The following CLCA1 variants were observed in gnomAD, a reference collection of about 807,000 sequenced individuals.
CLCA1 encodes calcium-activated chloride channel regulator 1.
In CLCA1, 59 loss-of-function variants were observed where a neutral mutation model predicts 85.6. That is an observed-to-expected ratio of 0.69 (90% CI 0.56 to 0.86). The LOEUF is 0.86. Among genes scored for constraint, CLCA1 ranks in the 40% least tolerant of loss-of-function variants. The pLI is 0.00. For synonymous variants in CLCA1, 396 were observed against 398.3 expected, an observed-to-expected ratio of 0.99 and a Z score of 0.07; for missense variants, 1,022 against 1,101.4, an observed-to-expected ratio of 0.93 and a Z score of 1.02.
intron 5 of CLCA1, among the ~76,000 whole-genome samples, chr1:86,482,661 C>A (rs1302266145): frequency 1.3e-5 from 2 of 152,212 alleles, no homozygotes; most frequent in East Asian, 1.9e-4. Flanking sequence ...TACAAGCACA[C>A]ACATTCTTAC....
At chr1:86,498,322 G>T (rs754488018) in intron 12 of CLCA1, among the ~76,000 whole-genome samples, 1 of 151,986 alleles carries the variant, frequency 6.6e-6, no homozygotes, top group Non-Finnish European at 1.5e-5. Flanking sequence ...ATTCCAAAAG[G>T]TTATTCCACT....
chr1:86,492,580 C>G (rs1648165316), intron 9 of CLCA1, among the ~76,000 whole-genome samples: 1 of 152,224 alleles, frequency 6.6e-6, no homozygotes, highest in African/African-American at 2.4e-5. Flanking sequence ...CCAGCCCACT[C>G]TGTCTTCTAA....
chr1:86,478,376 G>A (rs536975018), intron 4 of CLCA1, among the ~76,000 whole-genome samples: 1 of 151,336 alleles, frequency 6.6e-6, no homozygotes, highest in African/African-American at 2.4e-5. Context: ...GCAGTGAGCC[G>A]AGATCACACC....
At chr1:86,492,980 G>A (rs5744399) in intron 9 of CLCA1, among the ~76,000 whole-genome samples, 1,811 of 152,334 alleles carry the variant, frequency 0.012, 22 homozygotes, top group Non-Finnish European at 0.017. Context: ...ACTGGTAAAT[G>A]AGATGGACAG....
At chr1:86,498,881 G>GC in intron 13 of CLCA1, 70 bp downstream of exon 13, 1 of 1,539,384 alleles carries the variant, frequency 6.5e-7, no homozygotes, top group Non-Finnish European at 8.8e-7. Context: ...AGCGGGTGAG[G>GC]CAGGCAGCCG....
chr1:86,478,846 T>C (rs1363350777), intron 4 of CLCA1, among the ~76,000 whole-genome samples: 2 of 152,232 alleles, frequency 1.3e-5, no homozygotes, highest in Non-Finnish European at 2.9e-5. Flanking sequence ...ATTTTTAAAT[T>C]ATTTTTAAGG....
In CLCA1 at chr1:86,491,362, C is replaced by T; in HGVS notation, c.1455C>T (p.Arg485=). 1 of 1,610,018 alleles carries T rather than the reference C, an allele frequency of 6.2e-7. No homozygotes were observed. Among genetic ancestry groups the T allele is most frequent in the Non-Finnish European group, 8.5e-7 (1 of 1,176,706 alleles). Residue 485 remains arginine (R), a synonymous_variant, in exon 9 of 14, where the codon CGC becomes CGT. Coordinates refer to ENST00000394711, the MANE Select transcript of CLCA1 (RefSeq NM_001285.4). The stretch of plus-strand genomic sequence containing the variant: ...CAGGAAATGGAGCTGTCTCTCAGCG[C>T]TCCATCCAGGTTGGAGTTCTTAATC... The part of the protein sequence containing the change: ...LSSGNGAVSQ[R]SIQLESKGLT...
At position 86,493,373 on chromosome 1, in the gene CLCA1, T is replaced by C. The variant is rs375565351; in HGVS notation, c.1465-11T>C. On this transcript the variant is annotated splice_polypyrimidine_tract_variant and intron_variant, in intron 9 of 13. Coordinates refer to ENST00000394711, the MANE Select transcript of CLCA1 (RefSeq NM_001285.4). ...TATTCTCCAGAAAGTAAGAGCTGTT[T>C]TTCTTAACAGCTTGAGAGTAAGGGA... 78 of 1,605,604 alleles carry C rather than the reference T, an allele frequency of 4.9e-5. 1 individual carries two copies. The highest frequency in any genetic ancestry group is 4.0e-4 in the East Asian group (18 of 44,844).
intron 9 of CLCA1, among the ~76,000 whole-genome samples, chr1:86,492,672 C>T: frequency 6.6e-6 from 1 of 152,192 alleles, no homozygotes. Flanking sequence ...TTAATCCTTC[C>T]TTACCTCACT....
At chr1:86,473,026 A>T (rs1647544949) in intron 1 of CLCA1, among the ~76,000 whole-genome samples, 1 of 152,224 alleles carries the variant, frequency 6.6e-6, no homozygotes. Context: ...GCTTGTGCGA[A>T]GTAAACACTG....
intron 12 of CLCA1, among the ~76,000 whole-genome samples, chr1:86,498,001 G>A (rs565304708): frequency 2.6e-5 from 4 of 152,210 alleles, no homozygotes; most frequent in African/African-American, 7.2e-5. Flanking sequence ...AAATTAGCTC[G>A]GTGTGGTGGC....
intron 11 of CLCA1, among the ~76,000 whole-genome samples, chr1:86,495,087 A>G (rs1356777223): frequency 2.0e-5 from 3 of 152,186 alleles, no homozygotes; most frequent in African/African-American, 7.2e-5. Context: ...AGTAACCTTA[A>G]TAGAATGAAT....
At chr1:86,475,806 G>A (rs1221687091) in intron 3 of CLCA1, among the ~76,000 whole-genome samples, 1 of 152,202 alleles carries the variant, frequency 6.6e-6, no homozygotes, top group African/African-American at 2.4e-5. Context: ...TTTGGGAAGG[G>A]AGTGGAGAAC....
At chr1:86,493,271 C>A in intron 9 of CLCA1, 113 bp from the exon 10 acceptor site, 1 of 745,290 alleles carries the variant, frequency 1.3e-6, no homozygotes, top group Non-Finnish European at 2.3e-6. Context: ...ATCAAGGATT[C>A]AGGCATCACT....
chr1:86,499,024 A>G (rs1034714309), intron 13 of CLCA1, among the ~76,000 whole-genome samples: 1 of 152,250 alleles, frequency 6.6e-6, no homozygotes, highest in African/African-American at 2.4e-5. Flanking sequence ...GGCTTCAGCC[A>G]GGAAGGGTAA....
intron 4 of CLCA1, among the ~76,000 whole-genome samples, chr1:86,481,314 AT>A (rs766013010): frequency 2.0e-4 from 30 of 151,816 alleles, no homozygotes; most frequent in Admixed American, 3.9e-4. Context: ...TTTTCATTGT[AT>A]TTCTGGTAGA....
chr1:86,495,999 C>A (rs1293725559), intron 12 of CLCA1, among the ~76,000 whole-genome samples: 1 of 152,152 alleles, frequency 6.6e-6, no homozygotes, highest in Non-Finnish European at 1.5e-5. Context: ...TAGAACATAG[C>A]TTTTGACTGC....
chr1:86,491,196 A>G (rs181235663), intron 8 of CLCA1, 69 bp from the exon 9 acceptor site: 30 of 1,131,322 alleles, frequency 2.7e-5, no homozygotes, highest in African/African-American at 4.6e-5. Context: ...TGCTCTCTAA[A>G]CAACAGCTAA....
chr1:86,475,101 C>T (rs1165428257), intron 3 of CLCA1, among the ~76,000 whole-genome samples: 2 of 152,158 alleles, frequency 1.3e-5, no homozygotes, highest in Admixed American at 1.3e-4. Flanking sequence ...ATGTATGACT[C>T]AACAAATAAG....
Sources: allele counts gnomAD v4.1 joint callset (sites outside exome capture counted in the v4.1 genomes callset), GRCh38; gene constraint gnomAD v4.1.1; transcripts MANE v1.5; gene names NCBI Gene and HGNC (gene_info 2026-07-23, HGNC 2026-07-21).